The following PGR variants were observed in gnomAD, a reference collection of about 807,000 sequenced individuals.
PGR encodes progesterone receptor, also known as nuclear receptor subfamily 3 group C member 3.
PGR carries 25 observed loss-of-function variants against 76.1 expected under a neutral mutation model. That is an observed-to-expected ratio of 0.33 (90% CI 0.24 to 0.46). PGR has a LOEUF of 0.46. Ranked by LOEUF, PGR falls within the 20% of genes least tolerant of loss-of-function variation. The pLI, the probability that PGR is intolerant of heterozygous loss-of-function variation, is 1.00. For missense variants in PGR, 1,172 were observed against 1,225.3 expected (o/e 0.96, Z 0.65); for synonymous variants, 579 against 535.0 (o/e 1.08, Z -1.14).
chr11:101,066,539 TAC>T lies in PGR; in HGVS notation c.1907-3789_1907-3788del, dbSNP rs577973308. On this transcript the variant is annotated intron_variant, in intron 3 of 7. Coordinates refer to ENST00000325455, the MANE Select transcript of PGR (RefSeq NM_000926.4). ...TCTAGACATTAATGATTACCAAATT[TAC>T]AGTCCTAGACCCAGCTTTTCCAAGA... Among the ~76,000 whole-genome samples the T allele has an allele frequency of 1.2e-3, 182 of 152,296 alleles. 1 individual carries two copies. The highest frequency in any genetic ancestry group is 4.0e-3 in the African/African-American group (166 of 41,564).
chr11:101,109,945 C>G (rs1862292943), intron 2 of PGR, among the ~76,000 whole-genome samples: 1 of 152,126 alleles, frequency 6.6e-6, no homozygotes, highest in South Asian at 2.1e-4. Flanking sequence ...GTTCCTAAGG[C>G]CCTTAAGAAT....
intron 6 of PGR, 108 bp from the exon 7 acceptor site, chr11:101,042,210 T>C: frequency 3.5e-6 from 4 of 1,130,824 alleles, no homozygotes; most frequent in Non-Finnish European, 5.1e-6. Context: ...TACATGACTC[T>C]AGAAAAAAAA....
intron 3 of PGR, chr11:101,063,039 G>T (rs1860572901): frequency 3.4e-6 from 1 of 294,990 alleles, no homozygotes; most frequent in South Asian, 4.3e-5. Flanking sequence ...TTCTGCAGGG[G>T]TCATGGAGCT....
At chr11:101,122,988 C>T (rs545836197) in intron 2 of PGR, among the ~76,000 whole-genome samples, 1 of 152,262 alleles carries the variant, frequency 6.6e-6, no homozygotes, top group Non-Finnish European at 1.5e-5. Context: ...CACATCTTTT[C>T]TTCTAACCCT....
chr11:101,033,939 A>G lies in PGR; in HGVS notation c.*5177T>C. 4.5e-6 allele frequency: 1 copy of G among 223,860 alleles called. No homozygotes were observed. Among genetic ancestry groups the G allele is most frequent in the Non-Finnish European group, 8.9e-6 (1 of 112,134 alleles). The allele number at this position is 223,860 out of a possible 1,614,324, so 13.9% of individuals were successfully genotyped here. A position where few individuals can be genotyped will look rare whatever the true frequency, so the allele number is the denominator to read the frequency against. Reference sequence around the variant, plus strand: ...TTTCAAAAGATAATAAAAATAAGCTATAGCATATGTCCTGAAAACTATTTA... The same window carrying G: ...TTTCAAAAGATAATAAAAATAAGCTGTAGCATATGTCCTGAAAACTATTTA... On this transcript the variant is annotated 3_prime_UTR_variant, in exon 8 of 8. Transcript: ENST00000325455.
At chr11:101,114,798 C>T (rs1862452628) in intron 2 of PGR, among the ~76,000 whole-genome samples, 1 of 152,092 alleles carries the variant, frequency 6.6e-6, no homozygotes, top group Non-Finnish European at 1.5e-5. Context: ...GTGCACCATC[C>T]CCAGACTGTT....
At chr11:101,048,419 G>A (rs1859965737) in intron 6 of PGR, among the ~76,000 whole-genome samples, 1 of 152,076 alleles carries the variant, frequency 6.6e-6, no homozygotes, top group African/African-American at 2.4e-5. Flanking sequence ...TCATCACTGT[G>A]TGATTATCAC....
chr11:101,084,490 T>A (rs1861423790), intron 3 of PGR, among the ~76,000 whole-genome samples: 1 of 151,878 alleles, frequency 6.6e-6, no homozygotes, highest in Middle Eastern at 3.2e-3. Flanking sequence ...AAACCCCATC[T>A]CTACTAAAAA....
intron 2 of PGR, among the ~76,000 whole-genome samples, chr11:101,110,017 A>G (rs1012625212): frequency 7.2e-5 from 11 of 152,158 alleles, no homozygotes; most frequent in African/African-American, 2.7e-4. Flanking sequence ...GTGACAGCAC[A>G]TCTATTTACA....
chr11:101,055,498 G>A (rs910741412), intron 4 of PGR, among the ~76,000 whole-genome samples: 4 of 146,216 alleles, frequency 2.7e-5, no homozygotes, highest in Non-Finnish European at 6.0e-5. Context: ...TTAACCAAGT[G>A]TTCACAATAA....
At chr11:101,110,336 C>T (rs781021671) in intron 2 of PGR, among the ~76,000 whole-genome samples, 5 of 152,092 alleles carry the variant, frequency 3.3e-5, no homozygotes, top group African/African-American at 4.8e-5. Flanking sequence ...TGTGGTTAAT[C>T]GGAGAAAGTC....
chr11:101,076,620 T>A lies in PGR; in HGVS notation c.1907-13868A>T, dbSNP rs140802689. Among the ~76,000 whole-genome samples, 713 of 152,126 alleles carry A rather than the reference T, an allele frequency of 4.7e-3. 10 individuals are homozygous for A. Among genetic ancestry groups the A allele is most frequent in the African/African-American group, 0.016 (660 of 41,544 alleles). ...TGTATATGTGACTGAATCTGGATGATGATACTATGAGAAGAAATTTTTATG... is the reference window on the plus strand; with the variant it reads ...TGTATATGTGACTGAATCTGGATGAAGATACTATGAGAAGAAATTTTTATG... On this transcript the variant is annotated intron_variant, in intron 3 of 7. Coordinates refer to ENST00000325455, the MANE Select transcript of PGR (RefSeq NM_000926.4).
chr11:101,046,292 ATTTTTTTTTTTTTTTTTTT>A (rs540943297), intron 6 of PGR, among the ~76,000 whole-genome samples: 12,474 of 65,928 alleles, frequency 0.19, 1,356 homozygotes, highest in Middle Eastern at 0.25. Flanking sequence ...CGCCTGGCTA[ATTTTTTTTTTTTTTTTTTT>A]TTTTTTTTTT....
intron 4 of PGR, among the ~76,000 whole-genome samples, chr11:101,060,319 C>T (rs190262689): frequency 5.3e-5 from 8 of 152,172 alleles, no homozygotes; most frequent in Non-Finnish European, 8.8e-5. Flanking sequence ...AGTGAATGAA[C>T]GAAATAAATT....
chr11:101,126,239 A>G, intron 1 of PGR, 81 bp from the exon 2 acceptor site: 2 of 1,330,100 alleles, frequency 1.5e-6, no homozygotes, highest in Non-Finnish European at 2.1e-6. Flanking sequence ...ACCAGTATTA[A>G]CAGGGTGAAA....
intron 4 of PGR, among the ~76,000 whole-genome samples, chr11:101,052,326 G>C (rs1211432115): frequency 2.0e-5 from 3 of 149,118 alleles, no homozygotes; most frequent in Admixed American, 6.8e-5. Flanking sequence ...TGTGTATTGG[G>C]GGGTATGGTG....
intron 2 of PGR, among the ~76,000 whole-genome samples, chr11:101,107,067 T>TG (rs937555227): frequency 6.6e-6 from 1 of 151,840 alleles, no homozygotes; most frequent in East Asian, 1.9e-4. Flanking sequence ...TGTCAGGGGA[T>TG]GGGGGGCTAG....
chr11:101,112,568 T>C (rs1007765523), intron 2 of PGR, among the ~76,000 whole-genome samples: 2 of 152,180 alleles, frequency 1.3e-5, no homozygotes, highest in African/African-American at 4.8e-5. Flanking sequence ...GCAAGGCTGT[T>C]AGCTGAAAGT....
At chr11:101,078,084 G>A (rs1458853438) in intron 3 of PGR, among the ~76,000 whole-genome samples, 1 of 152,156 alleles carries the variant, frequency 6.6e-6, no homozygotes, top group Non-Finnish European at 1.5e-5. Context: ...GCTGTCAAGT[G>A]TAGGAGGAGA....
Sources: gnomAD v4.1 joint callset for allele counts (sites outside exome capture counted in the v4.1 genomes callset) on GRCh38, gnomAD v4.1.1 for gene constraint, MANE v1.5 for transcripts, NCBI Gene and HGNC (gene_info 2026-07-23, HGNC 2026-07-21) for gene names.